Variants in RIIAD1 observed in about 807,000 individuals in gnomAD.
RIIAD1 encodes regulatory subunit of type II PKA R-subunit domain containing 1.
Under a neutral mutation model 13.3 loss-of-function variants are expected in RIIAD1, and 15 were observed. The ratio of observed to expected loss-of-function variants is 1.13; its 90% CI spans 0.76 to 1.74. The LOEUF is 1.74. Among genes scored for constraint, RIIAD1 ranks in the 40% most tolerant of loss-of-function variants. RIIAD1 has a pLI of 0.00. For synonymous variants in RIIAD1, 50 were observed against 43.3 expected, an observed-to-expected ratio of 1.16 and a Z score of -0.61; for missense variants, 121 against 112.2, an observed-to-expected ratio of 1.08 and a Z score of -0.35.
chr1:151,716,020 T>C (rs1442958106), intron 4 of RIIAD1: 1 of 1,610,400 alleles, frequency 6.2e-7, no homozygotes, highest in South Asian at 1.1e-5. Flanking sequence ...GGCTCCTTCA[T>C]TGAGGCGGCC....
upstream of RIIAD1, among the ~76,000 whole-genome samples, chr1:151,720,896 G>C (rs1339493510): frequency 1.3e-5 from 2 of 152,194 alleles, no homozygotes; most frequent in Admixed American, 6.5e-5. Context: ...ATTCAGTTGG[G>C]AGTGGAATAA....
At chr1:151,716,859 T>A (rs1453994457), upstream of RIIAD1, 1 of 452,414 alleles carries the variant, frequency 2.2e-6, no homozygotes. Context: ...ACATCAGTGA[T>A]GTCAGTCTCA....
In RIIAD1 at chr1:151,727,577, A is replaced by T; in HGVS notation, c.164A>T (p.Glu55Val). The stretch of plus-strand genomic sequence containing the variant: ...TCCTATCCCTTAATGTTTTCCAGAG[A>T]AATATTTTTGAAAAGACCAGACAAC... ...VEWLISGFFR[E>V]IFLKRPDNIL... Residue 55 changes from glutamate (E) to valine (V), a missense_variant and splice_region_variant, in exon 3 of 5, where the codon GAA (glutamate) becomes GTA (valine). Physicochemically the swap from Glu to Val is moderately radical, Grantham distance 121. Coordinates refer to ENST00000479191, the MANE Select transcript of RIIAD1 (RefSeq NM_001144956.3). 1.9e-6 allele frequency: 3 copies of T among 1,547,978 alleles called. No individual in the cohort carries two copies. The highest frequency in any genetic ancestry group is 2.6e-6 in the Non-Finnish European group (3 of 1,143,656).
At chr1:151,721,443 C>G (rs1338689029), upstream of RIIAD1, 2 of 699,306 alleles carry the variant, frequency 2.9e-6, no homozygotes, top group East Asian at 3.4e-5. Context: ...CCCCTAGCCC[C>G]TGCTTCGCTG....
intron 2 of RIIAD1, among the ~76,000 whole-genome samples, chr1:151,722,626 AT>A (rs1673758848): frequency 6.6e-6 from 1 of 152,258 alleles, no homozygotes; most frequent in Non-Finnish European, 1.5e-5. Flanking sequence ...AATTAAAAAA[AT>A]AAATCACGGA....
chr1:151,714,453 G>C lies in RIIAD1; in HGVS notation c.-56G>C, dbSNP rs564960616. On this transcript the variant is annotated 5_prime_UTR_variant, in exon 4 of 9. Transcript: ENST00000326413. ...AAATGCATGCATCTACAGCAAGAAA[G>C]ATGGATGCTACAGAGAGAGAGGGGG... 2.1e-3 allele frequency: 1,546 copies of C among 723,002 alleles called. 37 individuals are homozygous for C. In the South Asian group the frequency reaches 0.023, roughly 11 times the overall value. 44.8% of individuals were successfully genotyped at this position (723,002 alleles called of 1,614,324 possible).
intron 2 of RIIAD1, among the ~76,000 whole-genome samples, chr1:151,725,902 C>T (rs975544742): frequency 6.6e-6 from 1 of 152,178 alleles, no homozygotes; most frequent in Admixed American, 6.5e-5. Context: ...TCCCTGCATG[C>T]GTCCCTCACT....
intron 2 of RIIAD1, among the ~76,000 whole-genome samples, chr1:151,723,823 G>T (rs1360544065): frequency 5.9e-5 from 9 of 152,206 alleles, no homozygotes. Flanking sequence ...AGTTATGAAG[G>T]TTGGCCAGGG....
At chr1:151,721,418 C>A (rs1280252709), upstream of RIIAD1, 3 of 479,656 alleles carry the variant, frequency 6.3e-6, no homozygotes, top group Middle Eastern at 5.7e-4. Flanking sequence ...GGAGCTCACC[C>A]CTCAGTTCCC....
chr1:151,713,030 C>T (rs1285335688), intron 2 of RIIAD1, among the ~76,000 whole-genome samples: 2 of 152,178 alleles, frequency 1.3e-5, no homozygotes, highest in Admixed American at 6.5e-5. Context: ...ACATCTGCTC[C>T]CCACAACTGC....
At chr1:151,716,865 T>C (rs1673521999), upstream of RIIAD1, 1 of 440,182 alleles carries the variant, frequency 2.3e-6, no homozygotes. Context: ...GTGATGTCAG[T>C]CTCAGGGGTC....
chr1:151,723,733 A>G (rs1260770580), intron 2 of RIIAD1, among the ~76,000 whole-genome samples: 3 of 152,194 alleles, frequency 2.0e-5, no homozygotes, highest in African/African-American at 7.2e-5. Flanking sequence ...CACTATTCAT[A>G]TTATAGACGT....
Position 151,722,088 on chromosome 1 carries a change from T to A in RIIAD1, c.87T>A (p.Ile29=), listed in dbSNP as rs761284250. The A allele has an allele frequency of 3.4e-5, 53 of 1,550,024 alleles. No homozygotes were observed. The highest frequency in any genetic ancestry group is 4.5e-5 in the Non-Finnish European group (52 of 1,145,674). ...AQLEQLRKFK[I]QTRIANEKYL... is the part of the protein sequence containing the mutation. Reference sequence around the variant, plus strand: ...GACCCTTTGTTCTTGCCCCCCAGATTCAGACTCGGATTGCTAACGAAAAGT... The same window carrying A: ...GACCCTTTGTTCTTGCCCCCCAGATACAGACTCGGATTGCTAACGAAAAGT... The change falls in exon 2 of 5, where the codon ATT becomes ATA. Residue 29 remains isoleucine (I), a splice_region_variant and synonymous_variant. Transcript: ENST00000479191.
Position 151,715,433 on chromosome 1 carries a change from C to T in RIIAD1, c.21+904C>T, listed in dbSNP as rs577089822. Among the ~76,000 whole-genome samples the T allele has an allele frequency of 2.3e-3, 347 of 152,214 alleles. 1 individual carries two copies. The highest frequency in any genetic ancestry group is 8.1e-3 in the African/African-American group (336 of 41,528). ...AGCTGCCCTGCCCAGTCCAGCTCCA[C>T]GCTTTCCACATTGAACACCTGACCC... On this transcript the variant is annotated intron_variant, in intron 4 of 8. Coordinates refer to the RIIAD1 transcript ENST00000326413.
chr1:151,721,032 A>G (rs544016634), upstream of RIIAD1, among the ~76,000 whole-genome samples: 1 of 152,350 alleles, frequency 6.6e-6, no homozygotes, highest in Admixed American at 6.5e-5. Flanking sequence ...TTAGTCGGAC[A>G]GAACGTTCCT....
At chr1:151,725,218 C>T (rs1470735181) in intron 2 of RIIAD1, among the ~76,000 whole-genome samples, 1 of 141,544 alleles carries the variant, frequency 7.1e-6, no homozygotes, top group Non-Finnish European at 1.5e-5. Flanking sequence ...TCAAGCTATT[C>T]TCCTGCCTCC....
intron 4 of RIIAD1, chr1:151,714,708 G>T (rs562162637): frequency 4.1e-6 from 6 of 1,447,822 alleles, no homozygotes; most frequent in East Asian, 2.5e-5. Flanking sequence ...GAAACACGGC[G>T]GGGGGTGAGT....
At chr1:151,717,712 C>A (rs1673590375), upstream of RIIAD1, among the ~76,000 whole-genome samples, 2 of 152,244 alleles carry the variant, frequency 1.3e-5, no homozygotes, top group South Asian at 4.1e-4. Context: ...GATGCAGAAA[C>A]CCAATTACTC....
At chr1:151,725,573 T>C (rs929615758) in intron 2 of RIIAD1, among the ~76,000 whole-genome samples, 5 of 152,208 alleles carry the variant, frequency 3.3e-5, no homozygotes, top group African/African-American at 1.2e-4. Flanking sequence ...AAATAGAACC[T>C]TACCAACACC....
Sources: allele counts gnomAD v4.1 joint callset (sites outside exome capture counted in the v4.1 genomes callset), GRCh38; gene constraint gnomAD v4.1.1; transcripts MANE v1.5; gene names NCBI Gene and HGNC (gene_info 2026-07-23, HGNC 2026-07-21).